MATN2: variants seen among roughly 807,000 people sequenced by gnomAD.
MATN2 encodes the protein matrilin 2, also known as matrilin-2.
A neutral mutation model predicts 103.2 loss-of-function variants in MATN2; 69 were observed. The observed-to-expected ratio is 0.67, with a 90% CI of 0.55 to 0.82. The LOEUF (loss-of-function observed/expected upper bound fraction) is 0.82, where lower values mean the gene tolerates loss of function less well. Ranked by LOEUF, MATN2 falls within the 40% of genes least tolerant of loss-of-function variation. The pLI, the probability that MATN2 is intolerant of heterozygous loss-of-function variation, is 0.00. For synonymous variants in MATN2, 429 were observed against 450.2 expected (o/e 0.95, Z 0.60); for missense variants, 1,023 against 1,211.5 (o/e 0.84, Z 2.31).
At chr8:98,009,183 A>G (rs1156353858) in intron 10 of MATN2, among the ~76,000 whole-genome samples, 1 of 152,198 alleles carries the variant, frequency 6.6e-6, no homozygotes, top group South Asian at 2.1e-4. Context: ...TATAGGAGAG[A>G]TGCATTTCAC....
chr8:97,961,185 C>T (rs776826830), intron 4 of MATN2, among the ~76,000 whole-genome samples: 14 of 152,154 alleles, frequency 9.2e-5, no homozygotes, highest in Non-Finnish European at 1.5e-4. Context: ...ACAGTGGTTG[C>T]CTCTGGGTAG....
At chr8:97,878,354 G>A (rs1490918990) in intron 1 of MATN2, among the ~76,000 whole-genome samples, 1 of 152,016 alleles carries the variant, frequency 6.6e-6, no homozygotes, top group Non-Finnish European at 1.5e-5. Flanking sequence ...ATTGAGCCCA[G>A]GAGCTCACGG....
chr8:98,008,609 C>T (rs960146195), intron 10 of MATN2, among the ~76,000 whole-genome samples: 1 of 152,132 alleles, frequency 6.6e-6, no homozygotes, highest in Non-Finnish European at 1.5e-5. Flanking sequence ...ATGGGTTATC[C>T]ATGTTATAGC....
intron 16 of MATN2, 87 bp from the exon 17 acceptor site, chr8:98,032,955 G>T: frequency 7.6e-7 from 1 of 1,308,044 alleles, no homozygotes; most frequent in East Asian, 2.5e-5. Flanking sequence ...CAAGTGCTAG[G>T]AATACCAAGT....
intron 5 of MATN2, among the ~76,000 whole-genome samples, chr8:97,966,943 AG>A (rs1266115358): frequency 6.6e-6 from 1 of 152,236 alleles, no homozygotes; most frequent in African/African-American, 2.4e-5. Flanking sequence ...CAGGCTGTAT[AG>A]GAAGCATGAC....
At chr8:97,890,630 A>G (rs887804901) in intron 2 of MATN2, among the ~76,000 whole-genome samples, 3 of 152,086 alleles carry the variant, frequency 2.0e-5, no homozygotes, top group African/African-American at 7.2e-5. Flanking sequence ...CCCCGAGGGT[A>G]TGACCTTCTC....
At position 97,902,190 on chromosome 8, in the gene MATN2, T is replaced by A. The variant is rs1210095184; in HGVS notation, c.142+13948T>A. Among the ~76,000 whole-genome samples the A allele has an allele frequency of 7.6e-3, 1,152 of 151,558 alleles. 19 individuals are homozygous for A. The highest frequency in any genetic ancestry group is 0.026 in the African/African-American group (1,078 of 41,400). On this transcript the variant is annotated intron_variant, in intron 2 of 18. Coordinates refer to ENST00000254898, the MANE Select transcript of MATN2 (RefSeq NM_002380.5). The stretch of plus-strand genomic sequence containing the variant: ...GGGACATGTATTTGTTTTTTTTTTT[T>A]TTAACAAAAAGTACACAGTGTTAGG...
intron 2 of MATN2, among the ~76,000 whole-genome samples, chr8:97,913,600 C>T (rs1586407548): frequency 6.7e-6 from 1 of 149,618 alleles, no homozygotes; most frequent in Non-Finnish European, 1.5e-5. Flanking sequence ...CAGGTATATG[C>T]CACTGCACCC....
chr8:98,033,250 A>C, intron 17 of MATN2, 74 bp downstream of exon 17: 1 of 1,320,810 alleles, frequency 7.6e-7, no homozygotes, highest in Non-Finnish European at 1.0e-6. Context: ...CTTAGCTTTA[A>C]GGAGGAAAGG....
chr8:98,035,790 G>T lies in MATN2; in HGVS notation c.*78G>T. 1.2e-6 allele frequency: 1 copy of T among 848,032 alleles called. No individual in the cohort carries two copies. The highest frequency in any genetic ancestry group is 2.1e-5 in the South Asian group (1 of 46,592). 52.5% of individuals were successfully genotyped at this position (848,032 alleles called of 1,614,324 possible). ...CGCAGTGCAGAGCCCCAAAGCTCAG[G>T]CTATTGTTAAATCAATAATGTTGTG... On this transcript the variant is annotated 3_prime_UTR_variant, in exon 19 of 19. Coordinates refer to ENST00000254898, the MANE Select transcript of MATN2 (RefSeq NM_002380.5).
chr8:97,981,896 G>C (rs1055640150), intron 6 of MATN2, among the ~76,000 whole-genome samples: 8 of 152,162 alleles, frequency 5.3e-5, no homozygotes, highest in Non-Finnish European at 8.8e-5. Context: ...AGTAGATACC[G>C]CAGCATAGTG....
chr8:98,021,425 C>G, intron 13 of MATN2, 98 bp downstream of exon 13: 1 of 1,334,356 alleles, frequency 7.5e-7, no homozygotes, highest in Non-Finnish European at 1.0e-6. Context: ...TCTGCTTCTC[C>G]CATAAATATA....
At chr8:97,910,393 T>A (rs1586403955) in intron 2 of MATN2, among the ~76,000 whole-genome samples, 1 of 152,022 alleles carries the variant, frequency 6.6e-6, no homozygotes, top group Non-Finnish European at 1.5e-5. Flanking sequence ...TTCTGCTGGA[T>A]TGGGAATAGT....
At chr8:98,002,687 G>A (rs550474626) in intron 7 of MATN2, among the ~76,000 whole-genome samples, 1 of 152,282 alleles carries the variant, frequency 6.6e-6, no homozygotes, top group Non-Finnish European at 1.5e-5. Flanking sequence ...ATCAAAGAGG[G>A]AAAATGCTGG....
At position 98,005,368 on chromosome 8, in the gene MATN2, TGTGTATCCTGCCTGTTTCCCGGA is replaced by T. The variant is rs1812933673; in HGVS notation, c.1327+1590_1327+1612del. On this transcript the variant is annotated intron_variant, in intron 8 of 18. Coordinates refer to ENST00000254898, the MANE Select transcript of MATN2 (RefSeq NM_002380.5). The surrounding 1 kb of genome is among the most constrained non-coding windows in gnomAD (Gnocchi z 4.6). ...AGATGCCCTGGTGACCATGGATCTG[TGTGTATCCTGCCTGTTTCCCGGA>T]GTGTCAGGTCTGCCAGCTGATGGCC... 6.6e-6 allele frequency among the ~76,000 whole-genome samples: 1 copy of T among 152,130 alleles called. No homozygotes were observed. The highest frequency in any genetic ancestry group is 1.5e-5 in the Non-Finnish European group (1 of 68,008).
At chr8:97,941,161 CAAAAAA>C (rs1186024165) in intron 3 of MATN2, among the ~76,000 whole-genome samples, 62 of 77,982 alleles carry the variant, frequency 8.0e-4, no homozygotes, top group Middle Eastern at 0.012. Flanking sequence ...GACCTTGTCT[CAAAAAA>C]AAAAAAAAAA....
intron 1 of MATN2, among the ~76,000 whole-genome samples, chr8:97,871,536 G>T (rs998372433): frequency 1.3e-5 from 2 of 152,226 alleles, no homozygotes; most frequent in Admixed American, 6.5e-5. Flanking sequence ...CCCTTCCAGG[G>T]ATTCCCCGTC....
chr8:97,925,760 C>G (rs1809968038), intron 2 of MATN2, among the ~76,000 whole-genome samples: 1 of 152,180 alleles, frequency 6.6e-6, no homozygotes, highest in African/African-American at 2.4e-5. Flanking sequence ...TGCATGGGAT[C>G]ATAGGACTCT....
rs531801356 is a variant in MATN2 at position 97,887,218 on chromosome 8, AT to A, written c.-26-847del. 2.8e-4 allele frequency among the ~76,000 whole-genome samples: 42 copies of A among 150,048 alleles called. No homozygotes were observed. The South Asian group carries it at 6.8e-3, about 24-fold the overall frequency. ...TTTTTAACTTTTTAAATAAATTTAA[AT>A]TTTTTTTTTGTAGAAACGAGGCCTT... On this transcript the variant is annotated intron_variant, in intron 1 of 18. Coordinates refer to ENST00000254898, the MANE Select transcript of MATN2 (RefSeq NM_002380.5).
Sources: gnomAD v4.1 joint callset for allele counts (sites outside exome capture counted in the v4.1 genomes callset) on GRCh38, gnomAD v4.1.1 for gene constraint, Gnocchi (gnomAD v3.1) non-coding constraint, MANE v1.5 for transcripts, NCBI Gene and HGNC (gene_info 2026-07-23, HGNC 2026-07-21) for gene names.